Variants in ANO1 observed in about 807,000 individuals in gnomAD.
ANO1 encodes the protein anoctamin 1, also known as anoctamin-1.
Under a neutral mutation model 124.0 loss-of-function variants are expected in ANO1, and 59 were observed. The ratio of observed to expected loss-of-function variants is 0.48; its 90% CI spans 0.39 to 0.59. The LOEUF is 0.59. ANO1 is among the 20% of genes least tolerant of loss of function. ANO1 has a pLI of 0.00. For synonymous variants in ANO1, 529 were observed against 532.0 expected, an observed-to-expected ratio of 0.99 and a Z score of 0.08; for missense variants, 1,059 against 1,328.0, an observed-to-expected ratio of 0.80 and a Z score of 3.15.
At chr11:70,154,158 G>A (rs556235117) in intron 14 of ANO1, among the ~76,000 whole-genome samples, 15 of 152,288 alleles carry the variant, frequency 9.8e-5, no homozygotes, top group South Asian at 4.1e-4. Flanking sequence ...GGAGATGCCC[G>A]CACTGACCCT....
At chr11:70,097,962 T>A (rs1336527786) in intron 2 of ANO1, among the ~76,000 whole-genome samples, 1 of 152,206 alleles carries the variant, frequency 6.6e-6, no homozygotes, top group Non-Finnish European at 1.5e-5. Context: ...ATGCCAGGGC[T>A]GCTGAAAACT....
At chr11:70,045,485 C>G (rs549133583) in intron 1 of ANO1, among the ~76,000 whole-genome samples, 1 of 152,248 alleles carries the variant, frequency 6.6e-6, no homozygotes, top group South Asian at 2.1e-4. Flanking sequence ...ATCTTCCACT[C>G]GGCCCTAAAA....
At chr11:70,095,410 GAAAGAAAGAAAGAA>G (rs1157818900) in intron 2 of ANO1, among the ~76,000 whole-genome samples, 1 of 57,868 alleles carries the variant, frequency 1.7e-5, no homozygotes, top group Non-Finnish European at 4.2e-5. Context: ...AAGAAAGAAA[GAAAGAAAGAAAGAA>G]AGAAAAGAAA....
intron 1 of ANO1, among the ~76,000 whole-genome samples, chr11:70,015,419 G>A (rs35279870): frequency 0.24 from 35,986 of 152,038 alleles, 4,410 homozygotes; most frequent in Admixed American, 0.27. Context: ...ATGGCCCAGC[G>A]CAGGTTCAGC....
At chr11:70,179,494 A>T (rs943828161) in intron 22 of ANO1, among the ~76,000 whole-genome samples, 1 of 152,152 alleles carries the variant, frequency 6.6e-6, no homozygotes, top group Non-Finnish European at 1.5e-5. Context: ...GTCTTGGAGT[A>T]AAGGGAACAA....
chr11:70,100,567 CTG>C (rs1461674833), intron 2 of ANO1, among the ~76,000 whole-genome samples: 1 of 152,174 alleles, frequency 6.6e-6, no homozygotes, highest in Non-Finnish European at 1.5e-5. Flanking sequence ...GACACTTTGA[CTG>C]TGGACTTCAG....
intron 1 of ANO1, among the ~76,000 whole-genome samples, chr11:70,031,965 G>T (rs78241365): frequency 0.024 from 3,617 of 152,104 alleles, 138 homozygotes; most frequent in East Asian, 0.16. Flanking sequence ...CCCTCCTCAC[G>T]GTCCATCATT....
intron 2 of ANO1, among the ~76,000 whole-genome samples, chr11:70,101,666 T>G (rs559181045): frequency 2.5e-4 from 37 of 149,192 alleles, no homozygotes; most frequent in African/African-American, 8.7e-4. Context: ...AATGAACCTA[T>G]GTACTTGTGT....
At chr11:70,058,281 T>G (rs1365114181) in intron 1 of ANO1, among the ~76,000 whole-genome samples, 1 of 152,164 alleles carries the variant, frequency 6.6e-6, no homozygotes, top group Non-Finnish European at 1.5e-5. Context: ...GGATGGCAAG[T>G]TTTTGGGCTC....
At chr11:70,181,983 G>T (rs79418201) in intron 23 of ANO1, among the ~76,000 whole-genome samples, 2,906 of 152,172 alleles carry the variant, frequency 0.019, 71 homozygotes, top group African/African-American at 0.055. Context: ...CCATGTGAGA[G>T]GCAGCCGTTG....
At chr11:70,052,750 T>C in intron 1 of ANO1, among the ~76,000 whole-genome samples, 1 of 151,944 alleles carries the variant, frequency 6.6e-6, no homozygotes, top group East Asian at 1.9e-4. Context: ...AGACAGGGTT[T>C]CACCATGTTG....
chr11:70,128,307 A>G (rs183750679), intron 10 of ANO1, among the ~76,000 whole-genome samples: 10 of 152,254 alleles, frequency 6.6e-5, no homozygotes, highest in Non-Finnish European at 1.5e-4. Context: ...TGTGGTAAAG[A>G]TCAAGGTAGT....
At chr11:70,119,238 T>C in intron 8 of ANO1, among the ~76,000 whole-genome samples, 1 of 82,294 alleles carries the variant, frequency 1.2e-5, no homozygotes, top group Admixed American at 1.7e-4. Flanking sequence ...GAATGATGGA[T>C]GGATGGGTTG....
chr11:69,974,872 G>A, the ANO1 span, among the ~76,000 whole-genome samples: 141 of 141,490 alleles, frequency 1.0e-3, no homozygotes, highest in African/African-American at 3.6e-3. Context: ...AAAAAGACTA[G>A]GATGCCTCCG....
At chr11:70,086,738 G>T (rs1386936928) in intron 1 of ANO1, among the ~76,000 whole-genome samples, 3 of 152,208 alleles carry the variant, frequency 2.0e-5, no homozygotes, top group Admixed American at 6.5e-5. Context: ...CACTCCGAGG[G>T]TCCCCAGCAG....
rs1331732461 is a variant in ANO1, at chr11:70,132,009, C to T, written c.1188C>T (p.Ala396=). The part of the protein sequence containing the change: ...CSYWKMSSAC[A]TARASHLFDN... ...ACTGGAAGATGAGCTCAGCCTGCGC[C>T]ACGGCCCGCGCCAGCCACCTCTTCG... is the stretch of plus-strand genomic sequence containing the variant. The change falls in exon 11 of 26, where the codon GCC becomes GCT. Residue 396 remains alanine (A), a synonymous_variant. Coordinates refer to ENST00000355303, the MANE Select transcript of ANO1 (RefSeq NM_018043.7). 1 of 1,607,898 alleles carries T rather than the reference C, an allele frequency of 6.2e-7. No individual in the cohort carries two copies. Among genetic ancestry groups the T allele is most frequent in the Non-Finnish European group, 8.5e-7 (1 of 1,178,778 alleles).
chr11:70,080,166 G>A (rs2044160634), intron 1 of ANO1, among the ~76,000 whole-genome samples: 1 of 152,232 alleles, frequency 6.6e-6, no homozygotes, highest in Non-Finnish European at 1.5e-5. Context: ...CCATAGTGCT[G>A]GGCCAGTGCT....
intron 1 of ANO1, among the ~76,000 whole-genome samples, chr11:70,033,705 A>C (rs915692020): frequency 3.3e-5 from 5 of 152,068 alleles, no homozygotes; most frequent in Admixed American, 2.6e-4. Flanking sequence ...GGGGATGGCA[A>C]ACTCCCATCC....
At chr11:70,044,135 G>A (rs1424796998) in intron 1 of ANO1, among the ~76,000 whole-genome samples, 2 of 151,774 alleles carry the variant, frequency 1.3e-5, no homozygotes, top group Non-Finnish European at 2.9e-5. Flanking sequence ...ACCATTATAA[G>A]TTTACAACTA....
Sources: allele counts gnomAD v4.1 joint callset (sites outside exome capture counted in the v4.1 genomes callset), GRCh38; gene constraint gnomAD v4.1.1; transcripts MANE v1.5; gene names NCBI Gene and HGNC (gene_info 2026-07-23, HGNC 2026-07-21).